The following TACC2 variants were observed in gnomAD, a reference collection of about 807,000 sequenced individuals.
The protein encoded by TACC2 is transforming acidic coiled-coil containing protein 2, also known as transforming acidic coiled-coil-containing protein 2.
Under a neutral mutation model 227.3 loss-of-function variants are expected in TACC2, and 137 were observed. That is an observed-to-expected ratio of 0.60 (90% CI 0.52 to 0.69). TACC2 has a LOEUF of 0.69. Ranked by LOEUF, TACC2 falls within the 30% of genes least tolerant of loss-of-function variation. The probability of loss-of-function intolerance (pLI) is 0.00; values close to 1 mark genes in which losing one functional copy is unlikely to be tolerated. For synonymous variants in TACC2, 1,523 were observed against 1,487.5 expected, an observed-to-expected ratio of 1.02 and a Z score of -0.55; for missense variants, 3,470 against 3,694.4, an observed-to-expected ratio of 0.94 and a Z score of 1.57.
chr10:122,126,104 C>T (rs79937823), intron 5 of TACC2, among the ~76,000 whole-genome samples: 16,160 of 151,688 alleles, frequency 0.11, 1,461 homozygotes, highest in African/African-American at 0.24. Flanking sequence ...CACTCCCCAC[C>T]GCCTGCCTTG....
intron 3 of TACC2, among the ~76,000 whole-genome samples, chr10:122,058,962 G>A (rs573287323): frequency 6.0e-5 from 9 of 150,042 alleles, no homozygotes; most frequent in Non-Finnish European, 1.0e-4. Flanking sequence ...GCGCAATCTC[G>A]GCTCACTGCA....
intron 3 of TACC2, among the ~76,000 whole-genome samples, chr10:122,068,671 C>CTT (rs55740675): frequency 3.6e-4 from 53 of 146,776 alleles, no homozygotes; most frequent in Admixed American, 6.1e-4. Flanking sequence ...CCTCCGAAAC[C>CTT]TTTTTTTTTT....
intron 19 of TACC2, among the ~76,000 whole-genome samples, chr10:122,244,523 G>T (rs1269104479): frequency 1.3e-5 from 2 of 152,128 alleles, no homozygotes; most frequent in African/African-American, 4.8e-5. Context: ...AGACAGCAGG[G>T]GGCTGAGGCA....
intron 5 of TACC2, among the ~76,000 whole-genome samples, chr10:122,124,848 T>C (rs2086531894): frequency 6.6e-6 from 1 of 152,216 alleles, no homozygotes; most frequent in Admixed American, 6.5e-5. Context: ...ATATGAGTAA[T>C]ATAAATGTAT....
At chr10:122,009,528 CT>C (rs1217190372) in intron 1 of TACC2, among the ~76,000 whole-genome samples, 10 of 151,814 alleles carry the variant, frequency 6.6e-5, no homozygotes, top group Non-Finnish European at 1.2e-4. Flanking sequence ...AAAAACAAAT[CT>C]GATTAAGGTG....
intron 8 of TACC2, among the ~76,000 whole-genome samples, chr10:122,208,625 A>C (rs756697011): frequency 9.2e-5 from 14 of 152,244 alleles, no homozygotes; most frequent in Non-Finnish European, 1.8e-4. Flanking sequence ...ATAAACAAAG[A>C]ATCATCGAGA....
rs544758974 is a variant in TACC2 at position 122,018,887 on chromosome 10, G to C, written c.-45-3050G>C. On this transcript the variant is annotated intron_variant, in intron 1 of 22. Transcript: ENST00000369005. ...CCACCACCTCCAAGGAGCTCCTAAG[G>C]GTCCTCTGAGCTTGGTAAGATGCCT... Among the ~76,000 whole-genome samples, 12 of 152,258 alleles carry C rather than the reference G, an allele frequency of 7.9e-5. No individual in the cohort carries two copies. In the South Asian group the frequency reaches 1.9e-3, roughly 24 times the overall value.
At chr10:122,033,465 A>AC (rs1959193790) in intron 2 of TACC2, among the ~76,000 whole-genome samples, 1 of 152,078 alleles carries the variant, frequency 6.6e-6, no homozygotes, top group African/African-American at 2.4e-5. Context: ...GCCAATACTA[A>AC]CCCCTCCAAA....
intron 3 of TACC2, among the ~76,000 whole-genome samples, chr10:122,069,795 G>A (rs1354950896): frequency 6.6e-6 from 1 of 152,170 alleles, no homozygotes; most frequent in Non-Finnish European, 1.5e-5. Flanking sequence ...AAAAGAATAA[G>A]AGACAAGATG....
intron 7 of TACC2, chr10:122,192,470 A>C: frequency 3.0e-6 from 1 of 336,942 alleles, no homozygotes; most frequent in East Asian, 7.6e-5. Context: ...TGCAGAAGCC[A>C]GGGGATGGAC....
intron 3 of TACC2, among the ~76,000 whole-genome samples, chr10:122,060,874 G>A (rs895632194): frequency 4.8e-4 from 72 of 150,256 alleles, no homozygotes; most frequent in African/African-American, 1.7e-3. Flanking sequence ...GCGTGGTGGC[G>A]CATGCCTGTA....
intron 3 of TACC2, chr10:122,051,952 G>A (rs1224824057): frequency 3.3e-5 from 5 of 151,966 alleles, no homozygotes; most frequent in Non-Finnish European, 5.9e-5. Flanking sequence ...ATGGGGCAGA[G>A]TGTTTTTTGC....
At chr10:121,999,930 A>G (rs1310707255) in intron 1 of TACC2, among the ~76,000 whole-genome samples, 1 of 152,228 alleles carries the variant, frequency 6.6e-6, no homozygotes, top group Non-Finnish European at 1.5e-5. Flanking sequence ...CTGCAGGCCC[A>G]AGGTCTAGGA....
At chr10:122,214,202 C>G (rs966432209) in intron 9 of TACC2, among the ~76,000 whole-genome samples, 2 of 151,972 alleles carry the variant, frequency 1.3e-5, no homozygotes, top group African/African-American at 2.4e-5. Flanking sequence ...TCTCTTCTGC[C>G]CAAGGGATTT....
In TACC2 at chr10:122,216,744, C is replaced by T. The variant is rs1251833616; in HGVS notation, c.7462C>T (p.Leu2488=). The change falls in exon 11 of 23, where the codon CTA becomes TTA. Residue 2488 remains leucine, a synonymous_variant. Transcript: ENST00000369005. ...NQKWTCMTVD[L]EADKQDYPQP... ...GAAGTGGACGTGCATGACAGTGGAC[C>T]TAGAGGCTGACAAACAGGACTACCC... 1.9e-6 allele frequency: 3 copies of T among 1,614,102 alleles called. No homozygotes were observed. The South Asian group carries it at 3.3e-5, about 18-fold the overall frequency.
At chr10:122,022,824 T>C (rs1380376802) in intron 2 of TACC2, 2 of 152,262 alleles carry the variant, frequency 1.3e-5, no homozygotes, top group Non-Finnish European at 2.9e-5. Context: ...TGCTTAATTG[T>C]GCATAGGCTG....
intron 2 of TACC2, among the ~76,000 whole-genome samples, chr10:122,032,680 C>T (rs1454533788): frequency 6.6e-6 from 1 of 152,112 alleles, no homozygotes; most frequent in African/African-American, 2.4e-5. Flanking sequence ...AAAACCATGG[C>T]CAGGCACGGT....
rs192099598 is a variant in TACC2 at position 121,989,241 on chromosome 10, C to A, written c.-293C>A. The stretch of plus-strand genomic sequence containing the variant: ...CCAGAACCGTGCCAACATATAAAAC[C>A]CCACATTAAGGGTTGTACAGTGCAC... On this transcript the variant is annotated 5_prime_UTR_variant, in exon 1 of 23. Transcript: ENST00000369005. 3.9e-5 allele frequency: 6 copies of A among 152,342 alleles called. No homozygotes were observed. Among genetic ancestry groups the A allele is most frequent in the Admixed American group, 3.9e-4 (6 of 15,298 alleles). 9.4% of individuals were successfully genotyped at this position (152,342 alleles called of 1,614,324 possible). A position where few individuals can be genotyped will look rare whatever the true frequency, so the allele number is the denominator to read the frequency against.
chr10:122,215,240 G>A (rs1198261610), intron 9 of TACC2, 151 bp from the exon 10 acceptor site: 10 of 643,598 alleles, frequency 1.6e-5, no homozygotes, highest in South Asian at 1.2e-4. Flanking sequence ...GGTAGCCGGC[G>A]TGGCCTCTCG....
Sources: allele counts gnomAD v4.1 joint callset (sites outside exome capture counted in the v4.1 genomes callset), GRCh38; gene constraint gnomAD v4.1.1; transcripts MANE v1.5; gene names NCBI Gene and HGNC (gene_info 2026-07-23, HGNC 2026-07-21).